STK3: variants seen among roughly 807,000 people sequenced by gnomAD.
STK3 encodes the protein serine/threonine-protein kinase 3.
A neutral mutation model predicts 58.0 loss-of-function variants in STK3; 41 were observed. That is an observed-to-expected ratio of 0.71 (90% confidence interval 0.55 to 0.92). The LOEUF (loss-of-function observed/expected upper bound fraction) is 0.92, where lower values mean the gene tolerates loss of function less well. Among genes scored for constraint, STK3 ranks in the 40% least tolerant of loss-of-function variants. STK3 has a pLI of 0.00. For missense variants in STK3, 479 were observed against 602.7 expected (o/e 0.79, Z 2.15); for synonymous variants, 170 against 191.0 (o/e 0.89, Z 0.91).
chr8:98,423,000 C>G (rs1451047294), intron 3 of STK3, among the ~76,000 whole-genome samples: 1 of 152,184 alleles, frequency 6.6e-6, no homozygotes, highest in Non-Finnish European at 1.5e-5. Context: ...GGACTGAGAT[C>G]TACTAAGCTG....
intron 3 of STK3, among the ~76,000 whole-genome samples, chr8:98,874,522 A>T (rs1052933732): frequency 6.6e-6 from 1 of 152,172 alleles, no homozygotes; most frequent in Non-Finnish European, 1.5e-5. Context: ...GCCAACTCAA[A>T]TGGATAGTCT....
intron 1 of STK3, among the ~76,000 whole-genome samples, chr8:98,448,326 A>G (rs1586586904): frequency 6.6e-6 from 1 of 152,316 alleles, no homozygotes; most frequent in Middle Eastern, 3.4e-3. Context: ...ACACTGATTG[A>G]TTAATAATGA....
At chr8:98,344,215 A>G in the STK3 span, among the ~76,000 whole-genome samples, 1 of 152,252 alleles carries the variant, frequency 6.6e-6, no homozygotes, top group Non-Finnish European at 1.5e-5. Flanking sequence ...TTTGCAAACT[A>G]TCATCTGACA....
At chr8:98,713,173 G>A (rs1482391001) in intron 4 of STK3, among the ~76,000 whole-genome samples, 2 of 152,132 alleles carry the variant, frequency 1.3e-5, no homozygotes, top group Non-Finnish European at 2.9e-5. Flanking sequence ...ATACCCAAAA[G>A]AGAAAGCAGG....
intron 3 of STK3, among the ~76,000 whole-genome samples, chr8:98,876,680 G>C (rs1299840546): frequency 1.3e-5 from 2 of 152,192 alleles, no homozygotes; most frequent in African/African-American, 4.8e-5. Context: ...ATGACTTCTA[G>C]GACTGGAACA....
intron 8 of STK3, among the ~76,000 whole-genome samples, chr8:98,566,084 T>C (rs1241915098): frequency 2.0e-5 from 3 of 152,192 alleles, no homozygotes; most frequent in Non-Finnish European, 2.9e-5. Flanking sequence ...TATCAAAACA[T>C]GTCAATTTGT....
At chr8:98,719,499 T>C (rs918386533) in intron 4 of STK3, among the ~76,000 whole-genome samples, 1 of 152,346 alleles carries the variant, frequency 6.6e-6, no homozygotes, top group South Asian at 2.1e-4. Context: ...ATTTTAATGC[T>C]ATAAAGCCAC....
At chr8:98,913,382 G>C (rs544754500) in intron 1 of STK3, among the ~76,000 whole-genome samples, 24 of 152,248 alleles carry the variant, frequency 1.6e-4, no homozygotes, top group Non-Finnish European at 3.1e-4. Flanking sequence ...AAAGAGGGTA[G>C]AGAAGCTGTT....
chr8:98,807,810 C>T (rs541049093), intron 1 of STK3, among the ~76,000 whole-genome samples: 5 of 152,132 alleles, frequency 3.3e-5, no homozygotes, highest in Non-Finnish European at 7.4e-5. Flanking sequence ...ACAGAGGCAA[C>T]AGGAGAATCA....
At chr8:98,737,541 C>G (rs2131281924) in intron 4 of STK3, among the ~76,000 whole-genome samples, 1 of 152,082 alleles carries the variant, frequency 6.6e-6, no homozygotes, top group South Asian at 2.1e-4. Context: ...AGAGGAGTAA[C>G]AACGGTAAAA....
At chr8:98,682,300 T>C (rs1823698096) in intron 6 of STK3, among the ~76,000 whole-genome samples, 1 of 152,146 alleles carries the variant, frequency 6.6e-6, no homozygotes, top group Non-Finnish European at 1.5e-5. Flanking sequence ...TACATACAAG[T>C]CCTTAAAGAT....
At chr8:98,884,247 G>A (rs913795941) in intron 1 of STK3, among the ~76,000 whole-genome samples, 3 of 151,922 alleles carry the variant, frequency 2.0e-5, no homozygotes, top group Non-Finnish European at 4.4e-5. Flanking sequence ...TTCTTTATCC[G>A]TGTTGCTCTA....
chr8:98,881,813 CATTTT>C (rs1453163182), downstream of STK3: 1 of 152,054 alleles, frequency 6.6e-6, no homozygotes, highest in Non-Finnish European at 1.5e-5. Context: ...CAGAAGCTAG[CATTTT>C]ATTTCTTATT....
chr8:98,401,144 C>G (rs981758740), downstream of STK3, among the ~76,000 whole-genome samples: 2 of 152,170 alleles, frequency 1.3e-5, no homozygotes, highest in Non-Finnish European at 2.9e-5. Context: ...GTCCAGCCCC[C>G]TGAAGATGCC....
chr8:98,515,887 T>C (rs1045359838), intron 10 of STK3, among the ~76,000 whole-genome samples: 2 of 152,070 alleles, frequency 1.3e-5, no homozygotes, highest in African/African-American at 2.4e-5. Context: ...TAAAGGATAA[T>C]AATAGTACCT....
chr8:98,345,481 G>A, the STK3 span, among the ~76,000 whole-genome samples: 1 of 151,878 alleles, frequency 6.6e-6, no homozygotes, highest in Non-Finnish European at 1.5e-5. Context: ...CAAAATATTG[G>A]ACACCAGATA....
intron 10 of STK3, among the ~76,000 whole-genome samples, chr8:98,512,040 A>G (rs187038266): frequency 6.6e-6 from 1 of 152,168 alleles, no homozygotes; most frequent in Admixed American, 6.6e-5. Flanking sequence ...TTACATATGT[A>G]TACATGTGTC....
At chr8:98,384,371 CTTACTCCATTCT>C (rs1161427867) in intron 1 of STK3, among the ~76,000 whole-genome samples, 8 of 152,354 alleles carry the variant, frequency 5.3e-5, no homozygotes, top group Admixed American at 4.6e-4. Flanking sequence ...AGTGTGCTTT[CTTACTCCATTCT>C]TTTGTTGCTT....
intron 6 of STK3, among the ~76,000 whole-genome samples, chr8:98,630,904 T>TAGTAAAGAA (rs757266754): frequency 2.7e-5 from 4 of 147,790 alleles, no homozygotes; most frequent in Non-Finnish European, 4.5e-5. Flanking sequence ...AAACCTGACA[T>TAGTAAAGAA]ATAGTAAACA....
Sources: allele counts gnomAD v4.1 joint callset (sites outside exome capture counted in the v4.1 genomes callset), GRCh38; gene constraint gnomAD v4.1.1; transcripts MANE v1.5; gene names NCBI Gene and HGNC (gene_info 2026-07-23, HGNC 2026-07-21).